SAT2: variants seen among roughly 807,000 people sequenced by gnomAD.
SAT2 encodes spermidine/spermine N1-acetyltransferase family member 2.
Under a neutral mutation model 24.8 loss-of-function variants are expected in SAT2, and 19 were observed. The ratio of observed to expected loss-of-function variants is 0.77; its 90% CI spans 0.53 to 1.12. The LOEUF is 1.12. Among genes scored for constraint, SAT2 ranks in the 50% most tolerant of loss-of-function variants. The probability of loss-of-function intolerance (pLI) is 0.00; values close to 1 mark genes in which losing one functional copy is unlikely to be tolerated. For synonymous variants in SAT2, 77 were observed against 77.4 expected (o/e 0.99, Z 0.03); for missense variants, 190 against 210.7 (o/e 0.90, Z 0.61).
Position 7,627,764 on chromosome 17 carries a change from C to G in SAT2, c.-129G>C, listed in dbSNP as rs1240781960. 3.2e-6 allele frequency: 3 copies of G among 948,114 alleles called. No individual in the cohort carries two copies. The highest frequency in any genetic ancestry group is 1.7e-5 in the African/African-American group (1 of 60,242). The allele number at this position is 948,114 out of a possible 1,614,324, so 58.7% of individuals were successfully genotyped here. A position where few individuals can be genotyped will look rare whatever the true frequency, so the allele number is the denominator to read the frequency against. On this transcript the variant is annotated 5_prime_UTR_variant, in exon 1 of 6. Transcript: ENST00000269298. This position sits in a 1 kb window ranked among gnomAD's most constrained non-coding sequence, Gnocchi z 4.8. Reference sequence around the variant, plus strand: ...GGGTGGCGGGAGTCGGGGGGGACGGCGGGGTAGCCGCGGCCTGGTAAGTGG... The same window carrying G: ...GGGTGGCGGGAGTCGGGGGGGACGGGGGGGTAGCCGCGGCCTGGTAAGTGG...
intron 5 of SAT2, 60 bp from the exon 6 acceptor site, chr17:7,626,674 C>T: frequency 1.2e-6 from 2 of 1,611,674 alleles, no homozygotes; most frequent in Non-Finnish European, 8.5e-7. Context: ...TTTTCTCACT[C>T]CCTCTTTCAA....
In SAT2 at chr17:7,627,734, G is replaced by A. The variant is rs2072263801; in HGVS notation, c.-99C>T. 3 of 1,404,510 alleles carry A rather than the reference G, an allele frequency of 2.1e-6. No individual in the cohort carries two copies. The African/African-American group carries it at 4.3e-5, about 20-fold the overall frequency. The allele number at this position is 1,404,510 out of a possible 1,614,324, so 87.0% of individuals were successfully genotyped here. ...GACTTGGATCCTGAAGAGCCTGAGA[G>A]AGCGGGGTGGCGGGAGTCGGGGGGG... On this transcript the variant is annotated 5_prime_UTR_variant, in exon 1 of 6. Coordinates refer to ENST00000269298, the MANE Select transcript of SAT2 (RefSeq NM_133491.5). This position sits in a 1 kb window ranked among gnomAD's most constrained non-coding sequence, Gnocchi z 4.8.
intron 5 of SAT2, 46 bp from the exon 6 acceptor site, chr17:7,626,660 A>C (rs1279371861): frequency 6.2e-7 from 1 of 1,611,028 alleles, no homozygotes; most frequent in South Asian, 1.1e-5. Flanking sequence ...AAAAAAGAAA[A>C]AGGTTTTCTC....
At position 7,627,663 on chromosome 17, in the gene SAT2, TC is replaced by T; in HGVS notation, c.-29del. On this transcript the variant is annotated 5_prime_UTR_variant, in exon 1 of 6. Coordinates refer to ENST00000269298, the MANE Select transcript of SAT2 (RefSeq NM_133491.5). The surrounding 1 kb of genome is among the most constrained non-coding windows in gnomAD (Gnocchi z 4.8). ...GGATCCCCGCTGTCTGGGACCAAAG[TC>T]CCAGGGCCTCGCAAACGGCAACTAG... 1 of 1,613,606 alleles carries T rather than the reference TC, an allele frequency of 6.2e-7. No homozygotes were observed. Among genetic ancestry groups the T allele is most frequent in the Non-Finnish European group, 8.5e-7 (1 of 1,179,858 alleles).
Position 7,627,760 on chromosome 17 carries a change from A to T in SAT2, c.-125T>A. The T allele has an allele frequency of 9.3e-7, 1 of 1,078,048 alleles. No individual in the cohort carries two copies. Among genetic ancestry groups the T allele is most frequent in the Non-Finnish European group, 1.4e-6 (1 of 714,082 alleles). 66.8% of individuals were successfully genotyped at this position (1,078,048 alleles called of 1,614,324 possible). A position where few individuals can be genotyped will look rare whatever the true frequency, so the allele number is the denominator to read the frequency against. On this transcript the variant is annotated 5_prime_UTR_variant, in exon 1 of 6. Coordinates refer to ENST00000269298, the MANE Select transcript of SAT2 (RefSeq NM_133491.5). This position sits in a 1 kb window ranked among gnomAD's most constrained non-coding sequence, Gnocchi z 4.8. ...AGCGGGGTGGCGGGAGTCGGGGGGG[A>T]CGGCGGGGTAGCCGCGGCCTGGTAA...
In SAT2 at chr17:7,627,624, C is replaced by T; in HGVS notation, c.12G>A (p.Val4=). 6.2e-7 allele frequency: 1 copy of T among 1,613,826 alleles called. No individual in the cohort carries two copies. The change falls in exon 1 of 6, where the codon GTG becomes GTA. Residue 4 remains valine, a synonymous_variant. Coordinates refer to ENST00000269298, the MANE Select transcript of SAT2 (RefSeq NM_133491.5). The surrounding 1 kb of genome is among the most constrained non-coding windows in gnomAD (Gnocchi z 4.8). ...CTCCCTCCTTGGCCTCTCGGATCCG[C>T]ACGGAAGCCATCCGGATCCCCGCTG... MAS[V]RIREAKEGDC... is the part of the protein sequence containing the mutation.
At position 7,627,325 on chromosome 17, in the gene SAT2, C is replaced by T. The variant is rs373867779; in HGVS notation, c.118+38G>A. On this transcript the variant is annotated intron_variant, in intron 2 of 5. Transcript: ENST00000269298. This position sits in a 1 kb window ranked among gnomAD's most constrained non-coding sequence, Gnocchi z 4.8. The stretch of plus-strand genomic sequence containing the variant: ...CTGGGGAACCCATCCCTCATTTCCT[C>T]CCCAGCCTCCGCCAGAACCTGGGCG... The T allele has an allele frequency of 7.4e-5, 120 of 1,613,676 alleles. No homozygotes were observed. The highest frequency in any genetic ancestry group is 8.3e-5 in the Non-Finnish European group (98 of 1,179,774).
In SAT2 at chr17:7,626,362, C is replaced by T. The variant is rs1351471194; in HGVS notation, c.*85G>A. 3 of 1,489,584 alleles carry T rather than the reference C, an allele frequency of 2.0e-6. No individual in the cohort carries two copies. The highest frequency in any genetic ancestry group is 1.8e-6 in the Non-Finnish European group (2 of 1,088,898). The allele number at this position is 1,489,584 out of a possible 1,614,324, so 92.3% of individuals were successfully genotyped here. ...CCTTCCTCCAGGGAGGCCTCAGCAT[C>T]AGTGTCTGTGGACGTAGTCTCTGAA... On this transcript the variant is annotated 3_prime_UTR_variant, in exon 6 of 6. Coordinates refer to ENST00000269298, the MANE Select transcript of SAT2 (RefSeq NM_133491.5).
chr17:7,627,842 C>G, upstream of SAT2: 1 of 662,752 alleles, frequency 1.5e-6, no homozygotes, highest in East Asian at 2.7e-5. This position sits in a 1 kb window ranked among gnomAD's most constrained non-coding sequence, Gnocchi z 4.8. Context: ...CGAGGCGATC[C>G]TCTGTCCGGG....
Position 7,627,539 on chromosome 17 carries a change from G to A in SAT2, c.66+31C>T, listed in dbSNP as rs139435483. 1.2e-3 allele frequency: 1,971 copies of A among 1,601,910 alleles called. 40 individuals are homozygous for A. The East Asian group carries it at 0.039, about 32-fold the overall frequency. On this transcript the variant is annotated intron_variant, in intron 1 of 5. Coordinates refer to ENST00000269298, the MANE Select transcript of SAT2 (RefSeq NM_133491.5). This position sits in a 1 kb window ranked among gnomAD's most constrained non-coding sequence, Gnocchi z 4.8. ...GACCCCGCTCTGGCCGCGCCACTCT[G>A]ACCCCCGGGTTACCGGCCTGCAGTC...
chr17:7,626,892 G>C, intron 4 of SAT2, 51 bp downstream of exon 4: 1 of 1,600,194 alleles, frequency 6.2e-7, no homozygotes, highest in Non-Finnish European at 8.6e-7. Context: ...GATAACAGTG[G>C]GGTCTGTGGG....
upstream of SAT2, chr17:7,627,854 A>G (rs1197319252): frequency 4.6e-6 from 3 of 656,252 alleles, no homozygotes; most frequent in East Asian, 8.3e-5. This position sits in a 1 kb window ranked among gnomAD's most constrained non-coding sequence, Gnocchi z 4.8. Context: ...CTGTCCGGGC[A>G]TAGCCCCACC....
In SAT2 at chr17:7,627,304, G is replaced by C; in HGVS notation, c.118+59C>G. 1.2e-6 allele frequency: 2 copies of C among 1,612,928 alleles called. No individual in the cohort carries two copies. The highest frequency in any genetic ancestry group is 2.2e-5 in the South Asian group (2 of 91,066). On this transcript the variant is annotated intron_variant, in intron 2 of 5. Coordinates refer to ENST00000269298, the MANE Select transcript of SAT2 (RefSeq NM_133491.5). This position sits in a 1 kb window ranked among gnomAD's most constrained non-coding sequence, Gnocchi z 4.8. ...TGCCCAGCCTGGAGCTGTCGCCTGG[G>C]GAACCCATCCCTCATTTCCTCCCCA... is the stretch of plus-strand genomic sequence containing the variant.
In SAT2 at chr17:7,627,336, G is replaced by T. The variant is rs1198352700; in HGVS notation, c.118+27C>A. 2.5e-6 allele frequency: 4 copies of T among 1,613,960 alleles called. No individual in the cohort carries two copies. Among genetic ancestry groups the T allele is most frequent in the East Asian group, 4.5e-5 (2 of 44,890 alleles). The stretch of plus-strand genomic sequence containing the variant: ...ATCCCTCATTTCCTCCCCAGCCTCC[G>T]CCAGAACCTGGGCGCTGAGCCCCCA... On this transcript the variant is annotated intron_variant, in intron 2 of 5. Coordinates refer to ENST00000269298, the MANE Select transcript of SAT2 (RefSeq NM_133491.5). This position sits in a 1 kb window ranked among gnomAD's most constrained non-coding sequence, Gnocchi z 4.8.
At position 7,627,702 on chromosome 17, in the gene SAT2, G is replaced by A; in HGVS notation, c.-67C>T. The A allele has an allele frequency of 6.4e-7, 1 of 1,571,046 alleles. No individual in the cohort carries two copies. Among genetic ancestry groups the A allele is most frequent in the Non-Finnish European group, 8.8e-7 (1 of 1,141,132 alleles). ...AAACGGCAACTAGACCCCTTAAAGGGCCTACGGACTTGGATCCTGAAGAGC... is the reference window on the plus strand; with the variant it reads ...AAACGGCAACTAGACCCCTTAAAGGACCTACGGACTTGGATCCTGAAGAGC... On this transcript the variant is annotated 5_prime_UTR_variant, in exon 1 of 6. Transcript: ENST00000269298. This position sits in a 1 kb window ranked among gnomAD's most constrained non-coding sequence, Gnocchi z 4.8.
In SAT2 at chr17:7,627,610, G is replaced by T. The variant is rs534591206; in HGVS notation, c.26C>A (p.Ala9Asp). MASVRIREAKEGDCGDILR... is the reference protein window; with the variant it reads MASVRIREDKEGDCGDILR... Reference sequence around the variant, plus strand: ...GATATCTCCACAGTCTCCCTCCTTGGCCTCTCGGATCCGCACGGAAGCCAT... The same window carrying T: ...GATATCTCCACAGTCTCCCTCCTTGTCCTCTCGGATCCGCACGGAAGCCAT... Residue 9 changes from alanine to aspartate, a missense_variant, in exon 1 of 6, where the codon GCC becomes GAC. Physicochemically the swap from Ala to Asp is moderately radical, Grantham distance 126. Coordinates refer to ENST00000269298, the MANE Select transcript of SAT2 (RefSeq NM_133491.5). The surrounding 1 kb of genome is among the most constrained non-coding windows in gnomAD (Gnocchi z 4.8). 4.2e-5 allele frequency: 68 copies of T among 1,613,290 alleles called. No individual in the cohort carries two copies. The Admixed American group carries it at 4.8e-4, about 11-fold the overall frequency.
In SAT2 at chr17:7,627,176, C is replaced by T; in HGVS notation, c.169G>A (p.Ala57Thr). 6.2e-7 allele frequency: 1 copy of T among 1,614,108 alleles called. No homozygotes were observed. The highest frequency in any genetic ancestry group is 1.3e-5 in the African/African-American group (1 of 75,006). ...TTCCCGGGCGCTGGAAGAATCTCTG[C>T]TACCAAACAGTGATAGAAAGGATTG... ...GDNPFYHCLV[A>T]EILPAPGKLL... The change falls in exon 3 of 6, where the codon GCA becomes ACA. Residue 57 changes from alanine (A) to threonine (T), a missense_variant. Physicochemically the swap from Ala to Thr is moderately conservative, Grantham distance 58. Transcript: ENST00000269298. This position sits in a 1 kb window ranked among gnomAD's most constrained non-coding sequence, Gnocchi z 4.8.
rs2072212491 is a variant in SAT2 at position 7,626,537 on chromosome 17, C to G, written c.423G>C (p.Lys141Asn). The G allele has an allele frequency of 1.9e-6, 3 of 1,614,088 alleles. No individual in the cohort carries two copies. The highest frequency in any genetic ancestry group is 2.5e-6 in the Non-Finnish European group (3 of 1,180,046). The change falls in exon 6 of 6, where the codon AAG (lysine) becomes AAC (asparagine). Residue 141 changes from lysine (K) to asparagine (N), a missense_variant. By Grantham distance (94) the Lys-to-Asn change is moderately conservative. Transcript: ENST00000269298. ...CCGTCAGATCTTGGGCTCCTAGGGC[C>G]TTGTACAAGTCCATGGCCCTCTGGT... ...DWNQRAMDLY[K>N]ALGAQDLTEA...
rs1340209627 is a variant in SAT2, at chr17:7,626,755, C to A, written c.343G>T (p.Glu115Ter). Residue 115 changes from glutamate (E) to a stop codon, truncating the protein, a stop_gained and splice_region_variant, in exon 5 of 6, where the codon GAG becomes TAG. Coordinates refer to ENST00000269298, the MANE Select transcript of SAT2 (RefSeq NM_133491.5). LOFTEE classifies it high-confidence loss of function. ...IGSKIIKKVA[E>*]VALDKGCSQF... ...TGTCGCCCCACCCATCTCCTCACCT[C>A]AGCCACCTTTTTGATTATTTTGGAA... 19 of 1,614,074 alleles carry A rather than the reference C, an allele frequency of 1.2e-5. No homozygotes were observed. In the Admixed American group the frequency reaches 3.0e-4, roughly 25 times the overall value.
Sources: gnomAD v4.1 joint callset for allele counts on GRCh38, gnomAD v4.1.1 for gene constraint, Gnocchi (gnomAD v3.1) non-coding constraint, MANE v1.5 for transcripts, NCBI Gene and HGNC (gene_info 2026-07-23, HGNC 2026-07-21) for gene names.